Variants in MAGI2 observed in about 807,000 individuals in gnomAD.
MAGI2 encodes membrane associated guanylate kinase, WW and PDZ domain containing 2.
Under a neutral mutation model 133.3 loss-of-function variants are expected in MAGI2, and 35 were observed. That is an observed-to-expected ratio of 0.26 (90% CI 0.20 to 0.35). The LOEUF is 0.35. Ranked by LOEUF, MAGI2 falls within the 10% of genes least tolerant of loss-of-function variation. MAGI2 has a pLI of 1.00. For missense variants in MAGI2, 1,636 were observed against 1,863.4 expected, an observed-to-expected ratio of 0.88 and a Z score of 2.25; for synonymous variants, 729 against 710.6, an observed-to-expected ratio of 1.03 and a Z score of -0.41.
Position 78,127,325 on chromosome 7 carries a change from T to G in MAGI2, c.3295A>C (p.Arg1099=). 1 of 1,611,894 alleles carries G rather than the reference T, an allele frequency of 6.2e-7. No individual in the cohort carries two copies. Reference sequence around the variant, plus strand: ...TGGTAGTCCCCTCCTGGGGGTTGCCTGTAATCCAGCGGGGGCTGCCTGTAG... The same window carrying G: ...TGGTAGTCCCCTCCTGGGGGTTGCCGGTAATCCAGCGGGGGCTGCCTGTAG... ...TDYRQPPLDY[R]QPPGGDYQQP... Residue 1099 remains arginine (R), a synonymous_variant, in exon 19 of 22, where the codon AGG becomes CGG. Transcript: ENST00000354212.
intron 6 of MAGI2, among the ~76,000 whole-genome samples, chr7:78,369,588 A>G (rs1320902327): frequency 3.3e-5 from 5 of 152,104 alleles, no homozygotes; most frequent in Non-Finnish European, 7.4e-5. Flanking sequence ...CAGGACAAAG[A>G]CCACATTTTC....
At chr7:79,361,370 T>C (rs1484911664) in intron 1 of MAGI2, among the ~76,000 whole-genome samples, 1 of 152,046 alleles carries the variant, frequency 6.6e-6, no homozygotes, top group African/African-American at 2.4e-5. Flanking sequence ...TTAAATGATA[T>C]GCAAGGAGGG....
chr7:78,939,690 G>T (rs763942078), intron 2 of MAGI2, among the ~76,000 whole-genome samples: 6 of 152,154 alleles, frequency 3.9e-5, no homozygotes, highest in Non-Finnish European at 5.9e-5. Flanking sequence ...AACTTTGTGG[G>T]ATGGGGATCT....
At chr7:78,986,063 A>G (rs1449007260) in intron 2 of MAGI2, among the ~76,000 whole-genome samples, 1 of 152,072 alleles carries the variant, frequency 6.6e-6, no homozygotes. Context: ...TCTGTGATGC[A>G]CATCAGAGGG....
chr7:78,124,861 C>CTTTT (rs10707820), intron 20 of MAGI2, among the ~76,000 whole-genome samples: 4 of 137,430 alleles, frequency 2.9e-5, no homozygotes, highest in Non-Finnish European at 3.1e-5. Context: ...TAGCTGCTGT[C>CTTTT]TTTTTTTTTT....
At chr7:79,215,860 A>G (rs1288324527) in intron 1 of MAGI2, among the ~76,000 whole-genome samples, 1 of 151,886 alleles carries the variant, frequency 6.6e-6, no homozygotes, top group Non-Finnish European at 1.5e-5. Flanking sequence ...AAATTGATGG[A>G]GACTTGTCTC....
chr7:78,450,120 A>G (rs1788569585), intron 6 of MAGI2, among the ~76,000 whole-genome samples: 1 of 151,958 alleles, frequency 6.6e-6, no homozygotes, highest in African/African-American at 2.4e-5. Context: ...CTTTCTTCAT[A>G]ATTACTTCCT....
rs77784156 is a variant in MAGI2 at position 79,060,250 on chromosome 7, A to T, written c.302-53044T>A. Among the ~76,000 whole-genome samples, 1,025 of 152,258 alleles carry T rather than the reference A, an allele frequency of 6.7e-3. 14 individuals carry two copies. The highest frequency in any genetic ancestry group is 0.023 in the African/African-American group (969 of 41,558). ...CATAATTTTAGTAATATTTAAAGTC[A>T]TTGGAAAATGCCAATGATACATGGC... On this transcript the variant is annotated intron_variant, in intron 1 of 21. Transcript: ENST00000354212.
At chr7:79,040,048 A>G (rs1811511274) in intron 1 of MAGI2, among the ~76,000 whole-genome samples, 1 of 151,956 alleles carries the variant, frequency 6.6e-6, no homozygotes, top group Non-Finnish European at 1.5e-5. Context: ...TTGTTTCCCC[A>G]CCCAAATTTC....
chr7:78,341,601 C>CA (rs1469846785), intron 9 of MAGI2, among the ~76,000 whole-genome samples: 5 of 151,924 alleles, frequency 3.3e-5, no homozygotes, highest in Admixed American at 2.0e-4. Flanking sequence ...GTACTGGTAC[C>CA]AAAACAGATA....
chr7:78,227,850 T>TTTTG (rs10630131), intron 10 of MAGI2, among the ~76,000 whole-genome samples: 1 of 145,546 alleles, frequency 6.9e-6, no homozygotes, highest in Non-Finnish European at 1.5e-5. Context: ...TCTTACTCAG[T>TTTTG]TGTGTGTGTG....
In MAGI2 at chr7:79,371,306, C is replaced by T. The variant is rs1159178532; in HGVS notation, c.301+81714G>A. 4.6e-5 allele frequency among the ~76,000 whole-genome samples: 7 copies of T among 151,716 alleles called. No individual in the cohort carries two copies. The East Asian group carries it at 7.7e-4, about 17-fold the overall frequency. On this transcript the variant is annotated intron_variant, in intron 1 of 21. Transcript: ENST00000354212. ...AGTAAATGTTTAAAAATATTTGCAA[C>T]AATAAATGAATTGTCAAAGTAATAC...
chr7:78,286,852 T>C (rs940067377), intron 9 of MAGI2, among the ~76,000 whole-genome samples: 1 of 152,156 alleles, frequency 6.6e-6, no homozygotes, highest in Non-Finnish European at 1.5e-5. Context: ...AAGAATGTTT[T>C]CTGATAAAGA....
chr7:79,090,434 T>C (rs1476400448), intron 1 of MAGI2, among the ~76,000 whole-genome samples: 2 of 152,148 alleles, frequency 1.3e-5, no homozygotes, highest in Non-Finnish European at 2.9e-5. Context: ...AGATGGATCC[T>C]GAGGAATGTC....
At chr7:78,731,692 A>G (rs191317301) in intron 2 of MAGI2, among the ~76,000 whole-genome samples, 7 of 152,062 alleles carry the variant, frequency 4.6e-5, no homozygotes, top group Admixed American at 2.0e-4. Flanking sequence ...AAAATCTTCC[A>G]CTCTTCAGTA....
At chr7:79,276,251 G>A (rs548864446) in intron 1 of MAGI2, among the ~76,000 whole-genome samples, 29 of 152,272 alleles carry the variant, frequency 1.9e-4, no homozygotes, top group Non-Finnish European at 4.0e-4. Flanking sequence ...CTTGGGAGAA[G>A]TTAATTCTAA....
intron 6 of MAGI2, among the ~76,000 whole-genome samples, chr7:78,481,640 A>G (rs1242635698): frequency 6.6e-6 from 1 of 151,892 alleles, no homozygotes; most frequent in Non-Finnish European, 1.5e-5. Flanking sequence ...ACAAAGGTGC[A>G]CACACAATTC....
intron 1 of MAGI2, among the ~76,000 whole-genome samples, chr7:79,104,331 C>G (rs552058591): frequency 1.2e-4 from 18 of 152,236 alleles, no homozygotes; most frequent in African/African-American, 4.3e-4. Context: ...TTCTCTAGTG[C>G]TTCAAACATG....
intron 6 of MAGI2, among the ~76,000 whole-genome samples, chr7:78,375,623 A>G (rs1794373137): frequency 6.6e-6 from 1 of 152,146 alleles, no homozygotes; most frequent in Non-Finnish European, 1.5e-5. Flanking sequence ...ATTGTTTTAG[A>G]GGTAATGACT....
Sources: allele counts gnomAD v4.1 joint callset (sites outside exome capture counted in the v4.1 genomes callset), GRCh38; gene constraint gnomAD v4.1.1; transcripts MANE v1.5; gene names NCBI Gene and HGNC (gene_info 2026-07-23, HGNC 2026-07-21).